NRG1: variants seen among roughly 807,000 people sequenced by gnomAD.
NRG1 encodes pro-neuregulin-1, membrane-bound isoform.
In NRG1, 18 loss-of-function variants were observed where a neutral mutation model predicts 63.8. The ratio of observed to expected loss-of-function variants is 0.28; its 90% confidence interval spans 0.19 to 0.42. The LOEUF (loss-of-function observed/expected upper bound fraction) is 0.42. NRG1 is among the 10% of genes least tolerant of loss of function. The pLI is 1.00. For missense variants in NRG1, 762 were observed against 814.7 expected (o/e 0.94, Z 0.79); for synonymous variants, 302 against 301.3 (o/e 1.00, Z -0.02).
At chr8:32,128,729 A>T (rs76459056) in intron 1 of NRG1, among the ~76,000 whole-genome samples, 7,510 of 151,270 alleles carry the variant, frequency 0.05, 347 homozygotes, top group Middle Eastern at 0.13. Flanking sequence ...CCTCTTTTTT[A>T]AAAAAAATCC....
chr8:32,715,103 C>T (rs750405831), intron 5 of NRG1, among the ~76,000 whole-genome samples: 7 of 151,904 alleles, frequency 4.6e-5, no homozygotes, highest in African/African-American at 7.3e-5. Context: ...ACCACAGGCA[C>T]GCACCACCAT....
chr8:31,846,058 T>C (rs1192477289), intron 1 of NRG1, among the ~76,000 whole-genome samples: 1 of 152,222 alleles, frequency 6.6e-6, no homozygotes, highest in Non-Finnish European at 1.5e-5. Context: ...AATGTGAGGT[T>C]TGAAACCAAG....
At chr8:32,662,737 T>C (rs1470214132) in intron 5 of NRG1, among the ~76,000 whole-genome samples, 1 of 152,152 alleles carries the variant, frequency 6.6e-6, no homozygotes, top group African/African-American at 2.4e-5. Flanking sequence ...GATATGGGAT[T>C]TGAGTGAGAG....
At chr8:31,955,760 T>C (rs1363986668) in intron 1 of NRG1, among the ~76,000 whole-genome samples, 1 of 151,942 alleles carries the variant, frequency 6.6e-6, no homozygotes, top group African/African-American at 2.4e-5. Context: ...CACCTGGGCA[T>C]GATGCAGTTG....
chr8:32,479,807 G>A (rs1339681968), intron 1 of NRG1, among the ~76,000 whole-genome samples: 1 of 151,908 alleles, frequency 6.6e-6, no homozygotes, highest in Non-Finnish European at 1.5e-5. Context: ...GCATCACCAT[G>A]CCCAGCTAAT....
intron 1 of NRG1, among the ~76,000 whole-genome samples, chr8:32,200,351 G>T (rs529486036): frequency 6.6e-6 from 1 of 152,086 alleles, no homozygotes; most frequent in Non-Finnish European, 1.5e-5. Context: ...TGTTCTCTTA[G>T]TGTTCATTTC....
At chr8:32,429,948 C>T (rs1817921260) in intron 1 of NRG1, among the ~76,000 whole-genome samples, 1 of 152,086 alleles carries the variant, frequency 6.6e-6, no homozygotes, top group Non-Finnish European at 1.5e-5. Flanking sequence ...TTTTTCTAAT[C>T]TTATCTTTGT....
chr8:32,355,993 G>A (rs979385518), intron 1 of NRG1, among the ~76,000 whole-genome samples: 4 of 152,112 alleles, frequency 2.6e-5, no homozygotes, highest in African/African-American at 9.7e-5. Context: ...ATAACAGTGA[G>A]GAGACTGTAA....
intron 1 of NRG1, among the ~76,000 whole-genome samples, chr8:31,894,546 C>CTTTTTTTTTT (rs370312165): frequency 7.1e-5 from 7 of 98,066 alleles, no homozygotes; most frequent in Admixed American, 3.3e-4. Context: ...CTATTTCTTT[C>CTTTTTTTTTT]TTTTTTCTTT....
chr8:32,034,679 G>A (rs1818766694), intron 1 of NRG1, among the ~76,000 whole-genome samples: 1 of 152,138 alleles, frequency 6.6e-6, no homozygotes, highest in Non-Finnish European at 1.5e-5. Flanking sequence ...AGTCTTGGGA[G>A]GGTGTATGTA....
intron 1 of NRG1, among the ~76,000 whole-genome samples, chr8:31,656,482 C>T (rs186349718): frequency 7.9e-5 from 12 of 152,208 alleles, no homozygotes; most frequent in African/African-American, 1.9e-4. Context: ...TGCCAACTTC[C>T]GGTTAAGATT....
intron 1 of NRG1, among the ~76,000 whole-genome samples, chr8:31,883,321 C>A (rs1399419394): frequency 6.6e-6 from 1 of 152,102 alleles, no homozygotes; most frequent in Non-Finnish European, 1.5e-5. Context: ...TTATTGCACA[C>A]TTAATAGACT....
chr8:32,144,634 C>T, intron 1 of NRG1, among the ~76,000 whole-genome samples: 1 of 152,128 alleles, frequency 6.6e-6, no homozygotes. Flanking sequence ...AGGCTGGTAC[C>T]ATTCTCAGCA....
intron 1 of NRG1, among the ~76,000 whole-genome samples, chr8:32,567,560 T>A (rs1035293758): frequency 6.6e-6 from 1 of 152,256 alleles, no homozygotes; most frequent in African/African-American, 2.4e-5. Context: ...TGGTCCATTA[T>A]CTGATGCCAC....
At chr8:32,526,922 C>A (rs1001844104) in intron 1 of NRG1, among the ~76,000 whole-genome samples, 1 of 152,150 alleles carries the variant, frequency 6.6e-6, no homozygotes, top group Non-Finnish European at 1.5e-5. Context: ...TAGCCCTTCA[C>A]TCTTCTGTAA....
intron 1 of NRG1, among the ~76,000 whole-genome samples, chr8:32,054,322 A>G (rs937225589): frequency 6.6e-6 from 1 of 152,198 alleles, no homozygotes; most frequent in East Asian, 1.9e-4. Flanking sequence ...GCAGTGGTCA[A>G]TATCTTTATC....
At position 32,548,999 on chromosome 8, in the gene NRG1, C is replaced by A. The variant is rs1164248437; in HGVS notation, c.100+173C>A. ...GCTTCCCCTCCTGGGGGCCGCCGCT[C>A]ACCTGGGCGCCGAGTCCTACCGGGC... is the stretch of plus-strand genomic sequence containing the variant. On this transcript the variant is annotated intron_variant, in intron 1 of 11. Coordinates refer to ENST00000356819, the Ensembl canonical transcript of NRG1. Among the ~76,000 whole-genome samples the A allele has an allele frequency of 3.3e-5, 5 of 152,314 alleles. No individual in the cohort carries two copies. The East Asian group carries it at 9.7e-4, about 30-fold the overall frequency.
At chr8:32,552,847 C>A (rs1393939635) in intron 1 of NRG1, among the ~76,000 whole-genome samples, 1 of 151,948 alleles carries the variant, frequency 6.6e-6, no homozygotes, top group Non-Finnish European at 1.5e-5. Flanking sequence ...TATAGAGAAC[C>A]AAAAAATATT....
intron 5 of NRG1, among the ~76,000 whole-genome samples, chr8:32,619,903 T>C (rs1848035461): frequency 6.6e-6 from 1 of 152,176 alleles, no homozygotes; most frequent in African/African-American, 2.4e-5. Flanking sequence ...AATATGCTCT[T>C]CAGTTTGAAA....
Sources: allele counts gnomAD v4.1 joint callset (sites outside exome capture counted in the v4.1 genomes callset), GRCh38; gene constraint gnomAD v4.1.1; transcripts MANE v1.5; gene names NCBI Gene and HGNC (gene_info 2026-07-23, HGNC 2026-07-21).